Variants in EHMT1 observed in about 807,000 individuals in gnomAD.
EHMT1 encodes histone-lysine N-methyltransferase EHMT1.
In EHMT1, 15 loss-of-function variants were observed where a neutral mutation model predicts 147.2. The observed-to-expected ratio is 0.10, with a 90% CI of 0.07 to 0.16. The LOEUF is 0.16. EHMT1 is among the 10% of genes least tolerant of loss of function. The pLI is 1.00. For missense variants in EHMT1, 1,587 were observed against 1,772.4 expected, an observed-to-expected ratio of 0.90 and a Z score of 1.88; for synonymous variants, 795 against 709.6, an observed-to-expected ratio of 1.12 and a Z score of -1.91.
At chr9:137,763,425 G>T (rs905910493) in intron 10 of EHMT1, 2 of 174,150 alleles carry the variant, frequency 1.1e-5, no homozygotes, top group Non-Finnish European at 2.5e-5. Context: ...GTGAGGGTCT[G>T]AGCAGGAGGC....
intron 4 of EHMT1, among the ~76,000 whole-genome samples, chr9:137,741,275 G>A (rs1948055330): frequency 6.6e-6 from 1 of 152,104 alleles, no homozygotes; most frequent in South Asian, 2.1e-4. Context: ...CACTGCGCCC[G>A]GCCGACATGA....
Position 137,704,578 on chromosome 9 carries a change from G to A in EHMT1, c.22-6389G>A, listed in dbSNP as rs76260935. The stretch of plus-strand genomic sequence containing the variant: ...GGGTCATCCCTTGGCCATTTGTCTT[G>A]GTCCTTCACCCCATTCCCCTTTAGT... On this transcript the variant is annotated intron_variant, in intron 1 of 26. Transcript: ENST00000460843. Among the ~76,000 whole-genome samples, 45 of 152,088 alleles carry A rather than the reference G, an allele frequency of 3.0e-4. No individual in the cohort carries two copies. In the East Asian group the frequency reaches 7.9e-3, roughly 27 times the overall value.
intron 3 of EHMT1, among the ~76,000 whole-genome samples, chr9:137,720,611 A>G (rs959896014): frequency 2.6e-5 from 4 of 152,016 alleles, no homozygotes; most frequent in Non-Finnish European, 5.9e-5. Context: ...CCTATTTCTG[A>G]TTTTATATAA....
At chr9:137,698,194 C>T (rs917606405) in intron 1 of EHMT1, among the ~76,000 whole-genome samples, 13 of 152,214 alleles carry the variant, frequency 8.5e-5, no homozygotes, top group African/African-American at 1.7e-4. Context: ...GTTGACAAAA[C>T]GTGGACGCAT....
intron 24 of EHMT1, chr9:137,817,845 C>A: frequency 1.6e-6 from 1 of 632,258 alleles, no homozygotes; most frequent in Non-Finnish European, 2.8e-6. Flanking sequence ...AGGTACCAGA[C>A]CGCAGACGCA....
chr9:137,627,909 CA>C lies in EHMT1; in HGVS notation c.21+8861del, dbSNP rs569527567. On this transcript the variant is annotated intron_variant, in intron 1 of 26. Transcript: ENST00000460843. The stretch of plus-strand genomic sequence containing the variant: ...ATTTTTAGTAGAGAGGGAGTTTCGC[CA>C]TGTTGGCCAGGCTGGTCTTGAACTT... Among the ~76,000 whole-genome samples, 21 of 152,166 alleles carry C rather than the reference CA, an allele frequency of 1.4e-4. No individual in the cohort carries two copies. The East Asian group carries it at 3.7e-3, about 27-fold the overall frequency.
intron 10 of EHMT1, chr9:137,763,837 G>C (rs1950028345): frequency 6.6e-6 from 1 of 152,436 alleles, no homozygotes; most frequent in South Asian, 2.1e-4. Flanking sequence ...CTGGCCTGCT[G>C]TGAGGAAGGC....
intron 1 of EHMT1, among the ~76,000 whole-genome samples, chr9:137,673,204 T>C (rs1003900210): frequency 2.6e-5 from 4 of 152,216 alleles, no homozygotes; most frequent in Non-Finnish European, 5.9e-5. Flanking sequence ...CAGGTGTTTA[T>C]TGAGCACCCC....
intron 2 of EHMT1, among the ~76,000 whole-genome samples, chr9:137,714,394 T>C (rs751035463): frequency 3.3e-5 from 5 of 152,118 alleles, no homozygotes; most frequent in African/African-American, 4.8e-5. Flanking sequence ...TGTGTGGTTT[T>C]GTCCTTTATT....
chr9:137,790,429 T>A (rs1324214791), intron 15 of EHMT1, among the ~76,000 whole-genome samples: 1 of 152,184 alleles, frequency 6.6e-6, no homozygotes, highest in Non-Finnish European at 1.5e-5. Context: ...TTCCACTTAT[T>A]TTGGCGAGTA....
chr9:137,742,113 G>A (rs1462989789), intron 4 of EHMT1, among the ~76,000 whole-genome samples: 1 of 152,132 alleles, frequency 6.6e-6, no homozygotes, highest in African/African-American at 2.4e-5. Context: ...TACTGCAGAC[G>A]CCTGGTGTGA....
chr9:137,634,249 A>G (rs1169303890), intron 1 of EHMT1, among the ~76,000 whole-genome samples: 1 of 152,132 alleles, frequency 6.6e-6, no homozygotes. Context: ...CAGGGAGTTT[A>G]TGTTTCCTTG....
intron 1 of EHMT1, among the ~76,000 whole-genome samples, chr9:137,699,080 A>C (rs1018315680): frequency 4.0e-4 from 61 of 152,332 alleles, no homozygotes; most frequent in African/African-American, 1.4e-3. Context: ...CTGCTGGTGC[A>C]GGTGCGGCTG....
At chr9:137,627,257 C>T (rs980786344) in intron 1 of EHMT1, among the ~76,000 whole-genome samples, 5 of 145,156 alleles carry the variant, frequency 3.4e-5, no homozygotes, top group African/African-American at 1.3e-4. Flanking sequence ...CATGCCTGGC[C>T]ATTTTTTTTT....
At chr9:137,651,766 G>T (rs1256224566) in intron 1 of EHMT1, among the ~76,000 whole-genome samples, 2 of 152,236 alleles carry the variant, frequency 1.3e-5, no homozygotes, top group East Asian at 3.9e-4. Context: ...CTGCACTCCA[G>T]CCTGAGTGAC....
At chr9:137,752,460 A>G (rs749977131) in intron 7 of EHMT1, 52 bp downstream of exon 7, 3 of 1,587,646 alleles carry the variant, frequency 1.9e-6, no homozygotes, top group South Asian at 1.1e-5. Flanking sequence ...GGAGATGCAA[A>G]GACACCAGCG....
chr9:137,749,831 T>C (rs1286161798), intron 6 of EHMT1, among the ~76,000 whole-genome samples: 1 of 152,208 alleles, frequency 6.6e-6, no homozygotes, highest in Non-Finnish European at 1.5e-5. Context: ...GTCTTGTTTT[T>C]AAAATAAGAA....
At chr9:137,698,172 T>G (rs1180698253) in intron 1 of EHMT1, among the ~76,000 whole-genome samples, 1 of 152,178 alleles carries the variant, frequency 6.6e-6, no homozygotes, top group South Asian at 2.1e-4. Context: ...GGAGGATCAT[T>G]ATTACTGGTT....
chr9:137,781,359 CGTGTGGTGATGACGCTGGGAT>C (rs1235325744), intron 14 of EHMT1, among the ~76,000 whole-genome samples: 174 of 118,248 alleles, frequency 1.5e-3, no homozygotes, highest in African/African-American at 3.8e-3. Flanking sequence ...GACGCTGAGA[CGTGTGGTGATGACGCTGGGAT>C]GTGTGGTGAT....
Sources: gnomAD v4.1 joint callset for allele counts (sites outside exome capture counted in the v4.1 genomes callset) on GRCh38, gnomAD v4.1.1 for gene constraint, MANE v1.5 for transcripts, NCBI Gene and HGNC (gene_info 2026-07-23, HGNC 2026-07-21) for gene names.